SORCS3: variants seen among roughly 807,000 people sequenced by gnomAD.
SORCS3 encodes the protein VPS10 domain-containing receptor SorCS3.
In SORCS3, 57 loss-of-function variants were observed where a neutral mutation model predicts 146.3. The ratio of observed to expected loss-of-function variants is 0.39; its 90% CI spans 0.31 to 0.49. The LOEUF is 0.49. Among genes scored for constraint, SORCS3 ranks in the 20% least tolerant of loss-of-function variants. The pLI is 0.92. For missense variants in SORCS3, 1,341 were observed against 1,575.5 expected (o/e 0.85, Z 2.52); for synonymous variants, 653 against 618.5 (o/e 1.06, Z -0.83).
rs780591673 is a variant in SORCS3 at position 104,641,633 on chromosome 10, G to A, written c.306G>A (p.Gln102=). ...GCGGCGGCAGAGGCGGTGAGATGCA[G>A]GTGGAAGCCGGAGGGACATCACCGG... ...QQGGGRGGEM[Q]VEAGGTSPAG... is the part of the protein sequence containing the mutation. Residue 102 remains glutamine (Q), a synonymous_variant, in exon 1 of 27, where the codon CAG becomes CAA. Transcript: ENST00000369701. This position sits in a 1 kb window ranked among gnomAD's most constrained non-coding sequence, Gnocchi z 6.4. 6.6e-7 allele frequency: 1 copy of A among 1,524,918 alleles called. No individual in the cohort carries two copies. The highest frequency in any genetic ancestry group is 8.8e-7 in the Non-Finnish European group (1 of 1,141,794). The allele number at this position is 1,524,918 out of a possible 1,614,324, so 94.5% of individuals were successfully genotyped here. A position where few individuals can be genotyped will look rare whatever the true frequency, so the allele number is the denominator to read the frequency against.
intron 1 of SORCS3, among the ~76,000 whole-genome samples, chr10:104,780,470 A>G (rs1407268087): frequency 6.6e-6 from 1 of 152,180 alleles, no homozygotes; most frequent in Non-Finnish European, 1.5e-5. Context: ...CTTTGGTGAC[A>G]TATGAGCCCA....
At chr10:105,015,239 A>C (rs2055158159) in intron 4 of SORCS3, among the ~76,000 whole-genome samples, 1 of 152,190 alleles carries the variant, frequency 6.6e-6, no homozygotes, top group Non-Finnish European at 1.5e-5. Flanking sequence ...AAGCCAAATA[A>C]GTGTAAATTC....
At chr10:105,196,622 A>T (rs1018979994) in intron 14 of SORCS3, among the ~76,000 whole-genome samples, 1 of 152,146 alleles carries the variant, frequency 6.6e-6, no homozygotes, top group African/African-American at 2.4e-5. Context: ...AACAGAAAAG[A>T]AAGTTCTCTC....
intron 4 of SORCS3, among the ~76,000 whole-genome samples, chr10:105,041,284 G>T (rs2055336305): frequency 6.7e-6 from 1 of 148,438 alleles, no homozygotes; most frequent in African/African-American, 2.5e-5. Context: ...TGTGGGAAGA[G>T]GTCCTCTTCC....
chr10:105,099,771 A>C (rs1468967951), intron 6 of SORCS3, among the ~76,000 whole-genome samples: 1 of 152,190 alleles, frequency 6.6e-6, no homozygotes, highest in African/African-American at 2.4e-5. Context: ...TAGGAAGAAA[A>C]GAAGGCTAAG....
At chr10:104,674,125 A>G (rs1405663755) in intron 1 of SORCS3, among the ~76,000 whole-genome samples, 2 of 152,194 alleles carry the variant, frequency 1.3e-5, no homozygotes, top group African/African-American at 4.8e-5. Context: ...TTTGCTGTAG[A>G]CCAGAAGTCT....
intron 16 of SORCS3, among the ~76,000 whole-genome samples, chr10:105,203,728 A>G (rs1256011075): frequency 6.6e-6 from 1 of 152,220 alleles, no homozygotes; most frequent in African/African-American, 2.4e-5. Context: ...AATACATGAC[A>G]TCTACCGCAT....
intron 3 of SORCS3, among the ~76,000 whole-genome samples, chr10:104,969,978 T>C (rs1461994645): frequency 6.6e-6 from 1 of 152,134 alleles, no homozygotes; most frequent in Non-Finnish European, 1.5e-5. Flanking sequence ...TCATTTATGG[T>C]GTTGGTCTTA....
intron 1 of SORCS3, among the ~76,000 whole-genome samples, chr10:104,686,654 T>G (rs1280023166): frequency 2.6e-5 from 4 of 152,096 alleles, no homozygotes; most frequent in Non-Finnish European, 5.9e-5. Flanking sequence ...TTCTTTCTCC[T>G]TATGCATTCC....
chr10:105,051,869 C>T (rs1024136623), intron 5 of SORCS3, among the ~76,000 whole-genome samples: 2 of 152,062 alleles, frequency 1.3e-5, no homozygotes, highest in Non-Finnish European at 2.9e-5. Context: ...TAAAATAATA[C>T]ATGCAAGGTC....
chr10:105,047,657 A>G (rs1298481540), intron 5 of SORCS3, among the ~76,000 whole-genome samples: 1 of 152,080 alleles, frequency 6.6e-6, no homozygotes, highest in Non-Finnish European at 1.5e-5. Flanking sequence ...GTGTATCTTG[A>G]AGACTGCTGT....
intron 5 of SORCS3, among the ~76,000 whole-genome samples, chr10:105,076,918 C>T (rs1056143945): frequency 1.3e-5 from 2 of 152,180 alleles, no homozygotes; most frequent in South Asian, 2.1e-4. Flanking sequence ...GGGACCAAAT[C>T]TCCATTTAAA....
intron 5 of SORCS3, among the ~76,000 whole-genome samples, chr10:105,084,621 T>A (rs1175324817): frequency 2.0e-5 from 3 of 152,140 alleles, no homozygotes; most frequent in Non-Finnish European, 2.9e-5. Context: ...GCAGTTTGTG[T>A]TAGGTGAGGA....
chr10:104,928,317 CTT>C (rs1487783831), intron 3 of SORCS3, among the ~76,000 whole-genome samples: 1 of 152,172 alleles, frequency 6.6e-6, no homozygotes, highest in Non-Finnish European at 1.5e-5. Flanking sequence ...TCTGTCCTCT[CTT>C]CTCACATGCA....
At chr10:104,736,811 C>T (rs945578350) in intron 1 of SORCS3, among the ~76,000 whole-genome samples, 6 of 149,350 alleles carry the variant, frequency 4.0e-5, no homozygotes, top group Admixed American at 1.3e-4. Context: ...TTAAAGTTTT[C>T]GGGTACATGT....
intron 4 of SORCS3, among the ~76,000 whole-genome samples, chr10:105,008,739 G>A (rs540449224): frequency 2.0e-5 from 3 of 152,252 alleles, no homozygotes; most frequent in African/African-American, 4.8e-5. Context: ...CTCCCCCTCG[G>A]GGGTTCAAGC....
chr10:105,124,881 A>G (rs546277652), intron 7 of SORCS3, among the ~76,000 whole-genome samples: 2 of 152,296 alleles, frequency 1.3e-5, no homozygotes, highest in East Asian at 3.9e-4. Context: ...TTAGAACAGA[A>G]AGTCGGCTGT....
intron 5 of SORCS3, among the ~76,000 whole-genome samples, chr10:105,073,602 G>A (rs893689722): frequency 1.2e-4 from 19 of 152,156 alleles, no homozygotes; most frequent in Non-Finnish European, 2.2e-4. Flanking sequence ...TAGGCAGCAA[G>A]GGCAGTCCTA....
intron 4 of SORCS3, among the ~76,000 whole-genome samples, chr10:104,981,463 G>A (rs561022405): frequency 2.0e-5 from 3 of 152,160 alleles, no homozygotes; most frequent in Non-Finnish European, 4.4e-5. Context: ...GTCTTTGTCA[G>A]TTATTTAAGT....
Sources: gnomAD v4.1 joint callset for allele counts (sites outside exome capture counted in the v4.1 genomes callset) on GRCh38, gnomAD v4.1.1 for gene constraint, Gnocchi (gnomAD v3.1) non-coding constraint, MANE v1.5 for transcripts, NCBI Gene and HGNC (gene_info 2026-07-23, HGNC 2026-07-21) for gene names.